Variants in CADM2 observed in about 807,000 individuals in gnomAD.
CADM2 encodes cell adhesion molecule 2, also known as immunoglobulin superfamily member 4D.
In CADM2, 12 loss-of-function variants were observed where a neutral mutation model predicts 49.8. That is an observed-to-expected ratio of 0.24 (90% CI 0.15 to 0.39). CADM2 has a LOEUF of 0.39. Among genes scored for constraint, CADM2 ranks in the 10% least tolerant of loss-of-function variants. CADM2 has a pLI of 1.00. For synonymous variants in CADM2, 214 were observed against 175.4 expected, an observed-to-expected ratio of 1.22 and a Z score of -1.74; for missense variants, 378 against 492.3, an observed-to-expected ratio of 0.77 and a Z score of 2.20.
At chr3:85,577,075 A>G (rs1043820859) in intron 1 of CADM2, among the ~76,000 whole-genome samples, 2 of 152,180 alleles carry the variant, frequency 1.3e-5, no homozygotes, top group Admixed American at 6.5e-5. Flanking sequence ...CTATATAGAC[A>G]ATGAAATCTA....
intron 8 of CADM2, among the ~76,000 whole-genome samples, chr3:86,035,816 T>G (rs538796536): frequency 6.6e-6 from 1 of 152,238 alleles, no homozygotes; most frequent in South Asian, 2.1e-4. Flanking sequence ...TATGATATAC[T>G]GGTGGCTTAA....
intron 1 of CADM2, among the ~76,000 whole-genome samples, chr3:85,490,494 G>C (rs973853783): frequency 6.6e-6 from 1 of 152,100 alleles, no homozygotes; most frequent in Non-Finnish European, 1.5e-5. Flanking sequence ...CAAGGTAGAA[G>C]GATTGCTTAA....
chr3:85,678,890 A>G (rs2065960511), intron 1 of CADM2, among the ~76,000 whole-genome samples: 1 of 152,174 alleles, frequency 6.6e-6, no homozygotes, highest in Non-Finnish European at 1.5e-5. Context: ...GGCTCCTGGC[A>G]TCCGTTAGAT....
intron 2 of CADM2, among the ~76,000 whole-genome samples, chr3:85,766,035 A>G (rs2069639042): frequency 1.3e-5 from 2 of 152,252 alleles, no homozygotes; most frequent in South Asian, 4.1e-4. Flanking sequence ...GCATGCAACT[A>G]CTATAGACCT....
chr3:85,518,982 G>T (rs937906195), intron 1 of CADM2, among the ~76,000 whole-genome samples: 1 of 152,016 alleles, frequency 6.6e-6, no homozygotes, highest in Non-Finnish European at 1.5e-5. Context: ...CCTGAAAAAA[G>T]AAAGTTATAC....
chr3:85,599,341 C>T (rs948912951), intron 1 of CADM2, among the ~76,000 whole-genome samples: 1 of 151,980 alleles, frequency 6.6e-6, no homozygotes, highest in East Asian at 1.9e-4. Flanking sequence ...ATATGATGGT[C>T]GGAATTACAG....
At chr3:85,048,563 A>C (rs2035755797) in intron 1 of CADM2, among the ~76,000 whole-genome samples, 1 of 152,222 alleles carries the variant, frequency 6.6e-6, no homozygotes, top group Non-Finnish European at 1.5e-5. Context: ...AATCAAGCCT[A>C]GGTACCCTTA....
intron 1 of CADM2, among the ~76,000 whole-genome samples, chr3:84,984,460 T>C (rs1209865781): frequency 6.6e-6 from 1 of 151,468 alleles, no homozygotes; most frequent in South Asian, 2.1e-4. Context: ...TTATATGGCC[T>C]TTTCTTTTCA....
At chr3:85,967,702 C>T (rs1013508899) in intron 8 of CADM2, among the ~76,000 whole-genome samples, 5 of 151,510 alleles carry the variant, frequency 3.3e-5, no homozygotes, top group Non-Finnish European at 7.4e-5. Flanking sequence ...GCCCCTGCAA[C>T]GTGCATTTAC....
chr3:85,330,904 G>C (rs2044902490), intron 1 of CADM2, among the ~76,000 whole-genome samples: 1 of 152,072 alleles, frequency 6.6e-6, no homozygotes, highest in African/African-American at 2.4e-5. Context: ...TGAGGCTGCA[G>C]TGAGCCGTAA....
At chr3:85,281,119 C>T (rs2043488950) in intron 1 of CADM2, among the ~76,000 whole-genome samples, 1 of 151,726 alleles carries the variant, frequency 6.6e-6, no homozygotes, top group African/African-American at 2.4e-5. Flanking sequence ...ATACTTAAAT[C>T]TTTTGACACA....
chr3:85,298,437 T>C (rs2044018901), intron 1 of CADM2, among the ~76,000 whole-genome samples: 1 of 152,126 alleles, frequency 6.6e-6, no homozygotes, highest in Admixed American at 6.6e-5. Flanking sequence ...TAAATATGTG[T>C]TATCCCTTCA....
intron 1 of CADM2, among the ~76,000 whole-genome samples, chr3:85,517,375 T>C (rs1307135649): frequency 1.3e-5 from 2 of 152,074 alleles, no homozygotes; most frequent in Non-Finnish European, 2.9e-5. Context: ...ACTAAGAAAT[T>C]ATTTTGAATT....
intron 3 of CADM2, among the ~76,000 whole-genome samples, chr3:85,833,586 T>C (rs1411045056): frequency 6.6e-6 from 1 of 151,702 alleles, no homozygotes; most frequent in Non-Finnish European, 1.5e-5. Flanking sequence ...CAGAAATTTA[T>C]TTATTTCCTC....
At chr3:85,479,723 G>T (rs780093639) in intron 1 of CADM2, among the ~76,000 whole-genome samples, 1 of 151,836 alleles carries the variant, frequency 6.6e-6, no homozygotes, top group Admixed American at 6.6e-5. Context: ...TAACAGATCT[G>T]CCCTAATTAT....
At chr3:85,917,303 C>T (rs1212372296) in intron 6 of CADM2, among the ~76,000 whole-genome samples, 4 of 152,096 alleles carry the variant, frequency 2.6e-5, no homozygotes, top group African/African-American at 9.7e-5. Flanking sequence ...GATTTTAGGT[C>T]TAACATTTAA....
intron 1 of CADM2, among the ~76,000 whole-genome samples, chr3:85,507,356 T>G (rs545486703): frequency 1.3e-5 from 2 of 152,080 alleles, no homozygotes; most frequent in East Asian, 3.9e-4. Context: ...CCTGGCTAGT[T>G]TTTTGTATTT....
intron 1 of CADM2, among the ~76,000 whole-genome samples, chr3:85,083,434 A>C (rs893139120): frequency 2.0e-5 from 3 of 152,072 alleles, no homozygotes; most frequent in African/African-American, 7.2e-5. Flanking sequence ...CTTTCACCTA[A>C]ACTTTGGTAA....
At chr3:85,417,211 T>C (rs2035956237) in intron 1 of CADM2, among the ~76,000 whole-genome samples, 1 of 152,172 alleles carries the variant, frequency 6.6e-6, no homozygotes, top group Non-Finnish European at 1.5e-5. Context: ...TAGCTATTTC[T>C]TATTGCATAG....
Sources: allele counts gnomAD v4.1 joint callset (sites outside exome capture counted in the v4.1 genomes callset), GRCh38; gene constraint gnomAD v4.1.1; transcripts MANE v1.5; gene names NCBI Gene and HGNC (gene_info 2026-07-23, HGNC 2026-07-21).